Variants in CNTN1 observed in about 807,000 individuals in gnomAD.
CNTN1 encodes the protein contactin 1.
CNTN1 carries 38 observed loss-of-function variants against 126.4 expected under a neutral mutation model. The ratio of observed to expected loss-of-function variants is 0.30; its 90% CI spans 0.23 to 0.39. The LOEUF is 0.39. CNTN1 is among the 10% of genes least tolerant of loss of function. The pLI, the probability that CNTN1 is intolerant of heterozygous loss-of-function variation, is 1.00. For synonymous variants in CNTN1, 413 were observed against 422.6 expected (o/e 0.98, Z 0.28); for missense variants, 1,009 against 1,248.4 (o/e 0.81, Z 2.89).
intron 1 of CNTN1, among the ~76,000 whole-genome samples, chr12:40,854,131 TAGAC>T (rs1341111089): frequency 1.3e-5 from 2 of 150,792 alleles, no homozygotes; most frequent in African/African-American, 4.9e-5. Context: ...GATAAGTAAA[TAGAC>T]AGGCTGACAT....
At chr12:41,066,556 A>G (rs1950052993) in intron 23 of CNTN1, among the ~76,000 whole-genome samples, 1 of 152,222 alleles carries the variant, frequency 6.6e-6, no homozygotes, top group Admixed American at 6.5e-5. Flanking sequence ...TTCATAATAT[A>G]GAGATATTAG....
At chr12:40,780,796 T>C (rs1224080906) in intron 1 of CNTN1, among the ~76,000 whole-genome samples, 1 of 149,854 alleles carries the variant, frequency 6.7e-6, no homozygotes, top group African/African-American at 2.4e-5. Context: ...TCAAGCCTCT[T>C]TTTTTTTTTC....
intron 1 of CNTN1, among the ~76,000 whole-genome samples, chr12:40,788,554 A>G (rs1940112315): frequency 6.6e-6 from 1 of 152,108 alleles, no homozygotes; most frequent in Non-Finnish European, 1.5e-5. Context: ...GAAAGACTTC[A>G]AAGAGGTTCC....
At chr12:40,936,261 G>T (rs1043852722) in intron 9 of CNTN1, among the ~76,000 whole-genome samples, 10 of 152,162 alleles carry the variant, frequency 6.6e-5, no homozygotes, top group African/African-American at 2.4e-4. Flanking sequence ...TTCTAATATG[G>T]AAAGAGTATA....
intron 7 of CNTN1, 83 bp downstream of exon 7, chr12:40,930,085 T>G: frequency 8.8e-7 from 1 of 1,135,788 alleles, no homozygotes; most frequent in South Asian, 1.2e-5. Flanking sequence ...AAATATCCAG[T>G]GAAGACTAGC....
At chr12:40,888,947 C>T (rs1315721360) in intron 1 of CNTN1, among the ~76,000 whole-genome samples, 2 of 152,262 alleles carry the variant, frequency 1.3e-5, no homozygotes, top group Non-Finnish European at 2.9e-5. Context: ...TCCTGCCACT[C>T]GGTTCACTCC....
At chr12:41,045,173 G>A (rs764519515) in intron 23 of CNTN1, among the ~76,000 whole-genome samples, 8 of 151,754 alleles carry the variant, frequency 5.3e-5, no homozygotes, top group Admixed American at 2.6e-4. Context: ...ACCTACCCCC[G>A]CCCCAAATCA....
chr12:40,752,626 G>A (rs891982858), intron 1 of CNTN1, among the ~76,000 whole-genome samples: 7 of 151,870 alleles, frequency 4.6e-5, no homozygotes, highest in African/African-American at 7.2e-5. Flanking sequence ...ACAATTCTAC[G>A]GTATAGTATA....
At chr12:40,735,082 C>T (rs1012729016) in intron 1 of CNTN1, among the ~76,000 whole-genome samples, 18 of 152,066 alleles carry the variant, frequency 1.2e-4, no homozygotes, top group Non-Finnish European at 1.9e-4. Context: ...TTTAAATCAT[C>T]ATTGTTGAAT....
intron 19 of CNTN1, among the ~76,000 whole-genome samples, chr12:41,019,737 AC>A (rs1948864195): frequency 6.6e-6 from 1 of 152,218 alleles, no homozygotes; most frequent in African/African-American, 2.4e-5. Context: ...AGTGGATGTT[AC>A]AACTTGTTTC....
chr12:41,019,066 G>T (rs1948847125), intron 19 of CNTN1, among the ~76,000 whole-genome samples: 1 of 152,192 alleles, frequency 6.6e-6, no homozygotes, highest in South Asian at 2.1e-4. Flanking sequence ...TGAGGCAGGA[G>T]AATCACTTGA....
intron 1 of CNTN1, among the ~76,000 whole-genome samples, chr12:40,815,611 T>C (rs115152533): frequency 6.6e-6 from 1 of 152,186 alleles, no homozygotes; most frequent in Non-Finnish European, 1.5e-5. Context: ...ACAACTTGAC[T>C]TCCTCTATTC....
chr12:40,818,537 T>G (rs1941329552), intron 1 of CNTN1, among the ~76,000 whole-genome samples: 1 of 152,228 alleles, frequency 6.6e-6, no homozygotes, highest in Non-Finnish European at 1.5e-5. Context: ...TATATTCCTC[T>G]CTAAACTGGA....
intron 11 of CNTN1, among the ~76,000 whole-genome samples, chr12:40,938,138 T>C (rs1360858879): frequency 1.3e-5 from 2 of 152,170 alleles, no homozygotes. Context: ...TGTTGAAATA[T>C]ATGGATGAAA....
chr12:40,892,013 T>A (rs1565894171), intron 1 of CNTN1, among the ~76,000 whole-genome samples: 1 of 152,120 alleles, frequency 6.6e-6, no homozygotes, highest in Non-Finnish European at 1.5e-5. Flanking sequence ...TTTCCCTCAC[T>A]ATGTTTTTAT....
At chr12:41,002,024 C>T (rs961079435) in intron 17 of CNTN1, among the ~76,000 whole-genome samples, 23 of 151,948 alleles carry the variant, frequency 1.5e-4, no homozygotes, top group African/African-American at 5.1e-4. Context: ...TTTTTGATTA[C>T]CGTAGCCCTG....
intron 1 of CNTN1, among the ~76,000 whole-genome samples, chr12:40,707,851 T>A (rs914363907): frequency 1.3e-5 from 2 of 152,228 alleles, no homozygotes; most frequent in African/African-American, 4.8e-5. Context: ...AAGTAAGATA[T>A]TTTTAGTCAA....
chr12:40,757,163 A>G (rs1396074101), intron 1 of CNTN1, among the ~76,000 whole-genome samples: 1 of 151,954 alleles, frequency 6.6e-6, no homozygotes, highest in Non-Finnish European at 1.5e-5. Context: ...CTCTCCTTCT[A>G]AGTATATTAA....
At chr12:40,825,643 C>T (rs186056378) in intron 1 of CNTN1, among the ~76,000 whole-genome samples, 42 of 152,176 alleles carry the variant, frequency 2.8e-4, no homozygotes, top group African/African-American at 6.5e-4. Flanking sequence ...CTCTTTATTA[C>T]GACCTTGTCT....
Sources: allele counts gnomAD v4.1 joint callset (sites outside exome capture counted in the v4.1 genomes callset), GRCh38; gene constraint gnomAD v4.1.1; transcripts MANE v1.5; gene names NCBI Gene and HGNC (gene_info 2026-07-23, HGNC 2026-07-21).